Variants in BRINP3 observed in about 807,000 individuals in gnomAD.
BRINP3 encodes BMP/retinoic acid-inducible neural-specific protein 3.
In BRINP3, 19 loss-of-function variants were observed where a neutral mutation model predicts 71.0. The ratio of observed to expected loss-of-function variants is 0.27; its 90% CI spans 0.19 to 0.39. The LOEUF (loss-of-function observed/expected upper bound fraction) is 0.39, where lower values mean the gene tolerates loss of function less well. Among genes scored for constraint, BRINP3 ranks in the 10% least tolerant of loss-of-function variants. The pLI, the probability that BRINP3 is intolerant of heterozygous loss-of-function variation, is 1.00. For missense variants in BRINP3, 959 were observed against 940.8 expected, an observed-to-expected ratio of 1.02 and a Z score of -0.25; for synonymous variants, 380 against 337.7, an observed-to-expected ratio of 1.13 and a Z score of -1.37.
chr1:190,449,831 T>C (rs1171024), intron 2 of BRINP3, among the ~76,000 whole-genome samples: 91,939 of 151,952 alleles, frequency 0.61, 28,422 homozygotes, highest in Non-Finnish European at 0.67. Flanking sequence ...ACAACATTAA[T>C]TACACTAAAG....
intron 2 of BRINP3, among the ~76,000 whole-genome samples, chr1:190,358,904 C>T (rs1668933332): frequency 6.6e-6 from 1 of 151,968 alleles, no homozygotes; most frequent in Non-Finnish European, 1.5e-5. Flanking sequence ...AGCAAACTAT[C>T]ACAGGGACAA....
intron 7 of BRINP3, among the ~76,000 whole-genome samples, chr1:190,111,060 C>T (rs1571725495): frequency 6.6e-6 from 1 of 151,522 alleles, no homozygotes; most frequent in African/African-American, 2.4e-5. Context: ...CGCCTGTAAT[C>T]CCAGCTACTC....
intron 4 of BRINP3, among the ~76,000 whole-genome samples, chr1:190,251,654 G>A (rs2102817198): frequency 6.6e-6 from 1 of 152,014 alleles, no homozygotes; most frequent in South Asian, 2.1e-4. Flanking sequence ...AAGAAATTGA[G>A]GAAAAGCATG....
intron 2 of BRINP3, among the ~76,000 whole-genome samples, chr1:190,314,297 G>A (rs1665734789): frequency 6.6e-6 from 1 of 151,998 alleles, no homozygotes; most frequent in South Asian, 2.1e-4. Context: ...TAAATATTGG[G>A]TAAGCAGAAT....
chr1:190,173,122 A>G (rs181065085), intron 6 of BRINP3, among the ~76,000 whole-genome samples: 56 of 152,284 alleles, frequency 3.7e-4, no homozygotes, highest in Admixed American at 3.3e-3. Context: ...TCCTGTTTAA[A>G]AACAGATGAA....
At chr1:190,336,390 T>A (rs919487052) in intron 2 of BRINP3, among the ~76,000 whole-genome samples, 1 of 151,984 alleles carries the variant, frequency 6.6e-6, no homozygotes. Flanking sequence ...TATATATGAG[T>A]CAAACACTGC....
At chr1:190,112,351 G>A in intron 7 of BRINP3, among the ~76,000 whole-genome samples, 1 of 152,076 alleles carries the variant, frequency 6.6e-6, no homozygotes, top group East Asian at 1.9e-4. Context: ...TATGCTATTT[G>A]CTTGATTTAT....
At chr1:190,211,562 A>G (rs914212878) in intron 6 of BRINP3, among the ~76,000 whole-genome samples, 9 of 152,126 alleles carry the variant, frequency 5.9e-5, no homozygotes, top group African/African-American at 2.2e-4. Context: ...TATCTTCTAT[A>G]TATAGCACAT....
intron 3 of BRINP3, among the ~76,000 whole-genome samples, chr1:190,280,457 T>C (rs1007817318): frequency 2.3e-4 from 35 of 151,766 alleles, no homozygotes; most frequent in African/African-American, 8.4e-4. Flanking sequence ...CATTTGAGTA[T>C]TGTAGGAAAA....
intron 6 of BRINP3, among the ~76,000 whole-genome samples, chr1:190,221,891 AAC>A (rs1358466983): frequency 6.6e-6 from 1 of 152,156 alleles, no homozygotes; most frequent in African/African-American, 2.4e-5. Context: ...TATGCCCAAC[AAC>A]AGAGTTTCCT....
At chr1:190,228,989 A>G (rs1005539133) in intron 5 of BRINP3, among the ~76,000 whole-genome samples, 1 of 152,004 alleles carries the variant, frequency 6.6e-6, no homozygotes, top group Non-Finnish European at 1.5e-5. Context: ...TTCCGGTGTG[A>G]AAGGACTAGT....
chr1:190,250,026 A>G (rs1256744986), intron 4 of BRINP3, among the ~76,000 whole-genome samples: 3 of 151,924 alleles, frequency 2.0e-5, no homozygotes, highest in Non-Finnish European at 4.4e-5. Context: ...ACAAATATCA[A>G]ATTAGTGTAG....
At chr1:190,245,257 T>G (rs569633280) in intron 4 of BRINP3, among the ~76,000 whole-genome samples, 6 of 151,332 alleles carry the variant, frequency 4.0e-5, no homozygotes, top group African/African-American at 1.4e-4. Flanking sequence ...TTTTTTTTTT[T>G]CAGAAAAATA....
intron 2 of BRINP3, among the ~76,000 whole-genome samples, chr1:190,448,291 A>T (rs907459763): frequency 2.0e-5 from 3 of 151,644 alleles, no homozygotes; most frequent in Non-Finnish European, 4.4e-5. Context: ...TTAATTTATT[A>T]TGTTAAAATT....
intron 6 of BRINP3, among the ~76,000 whole-genome samples, chr1:190,225,016 C>T (rs111758667): frequency 1.3e-5 from 2 of 151,816 alleles, no homozygotes; most frequent in African/African-American, 4.8e-5. Context: ...GGGAACCCTT[C>T]TACACTGTTG....
intron 2 of BRINP3, among the ~76,000 whole-genome samples, chr1:190,299,189 G>C (rs1664482550): frequency 1.3e-5 from 2 of 151,732 alleles, no homozygotes; most frequent in Admixed American, 1.3e-4. Flanking sequence ...AACCTATATT[G>C]TTATATTTGA....
At chr1:190,110,780 T>A (rs1212038114) in intron 7 of BRINP3, among the ~76,000 whole-genome samples, 1 of 152,140 alleles carries the variant, frequency 6.6e-6, no homozygotes, top group East Asian at 1.9e-4. Flanking sequence ...TGAAAAAAAA[T>A]TACAAAAACT....
intron 2 of BRINP3, among the ~76,000 whole-genome samples, chr1:190,328,851 T>C (rs963702939): frequency 2.6e-5 from 4 of 152,004 alleles, no homozygotes; most frequent in African/African-American, 7.2e-5. Flanking sequence ...TATTTTGAGA[T>C]GCAAGGTTGG....
chr1:190,165,436 A>C (rs1157814013), intron 6 of BRINP3, among the ~76,000 whole-genome samples: 1 of 70,260 alleles, frequency 1.4e-5, no homozygotes, highest in Non-Finnish European at 2.5e-5. Flanking sequence ...GCTCTGTTTC[A>C]TTGGCTGTTT....
Sources: allele counts gnomAD v4.1 joint callset (sites outside exome capture counted in the v4.1 genomes callset), GRCh38; gene constraint gnomAD v4.1.1; transcripts MANE v1.5; gene names NCBI Gene and HGNC (gene_info 2026-07-23, HGNC 2026-07-21).